Variants in CDIN1 observed in about 807,000 individuals in gnomAD.
CDIN1 encodes CDAN1-interacting nuclease 1.
A neutral mutation model predicts 45.3 loss-of-function variants in CDIN1; 33 were observed. The observed-to-expected ratio is 0.73, with a 90% confidence interval of 0.55 to 0.97. The LOEUF is 0.97. Among genes scored for constraint, CDIN1 ranks in the 50% least tolerant of loss-of-function variants. The probability of loss-of-function intolerance (pLI) is 0.00; values close to 1 mark genes in which losing one functional copy is unlikely to be tolerated. For missense variants in CDIN1, 303 were observed against 339.4 expected (o/e 0.89, Z 0.84); for synonymous variants, 118 against 124.4 (o/e 0.95, Z 0.34).
At chr15:36,682,767 CAA>C (rs10706117) in intron 5 of CDIN1, among the ~76,000 whole-genome samples, 11 of 61,378 alleles carry the variant, frequency 1.8e-4, no homozygotes, top group Admixed American at 3.4e-4. Context: ...AAGACCCTGC[CAA>C]AAAAAAAAAA....
chr15:36,656,362 G>C (rs935803776), intron 4 of CDIN1, among the ~76,000 whole-genome samples: 2 of 151,982 alleles, frequency 1.3e-5, no homozygotes, highest in African/African-American at 4.8e-5. Context: ...TATCTTTTTG[G>C]GGGGCTAAGG....
intron 5 of CDIN1, among the ~76,000 whole-genome samples, chr15:36,679,190 G>C (rs940782134): frequency 2.0e-5 from 3 of 152,114 alleles, no homozygotes; most frequent in African/African-American, 7.2e-5. Flanking sequence ...GGGCTGGGGT[G>C]GGGGAGTGGG....
chr15:36,797,627 G>A (rs749674614), intron 10 of CDIN1, among the ~76,000 whole-genome samples: 47 of 152,006 alleles, frequency 3.1e-4, no homozygotes, highest in Non-Finnish European at 6.2e-4. Context: ...CTTGCAATTC[G>A]CTCTTCAGAA....
intron 1 of CDIN1, among the ~76,000 whole-genome samples, chr15:36,589,163 T>C (rs1260678018): frequency 6.6e-6 from 1 of 152,192 alleles, no homozygotes; most frequent in Non-Finnish European, 1.5e-5. Context: ...GAATTTGCCA[T>C]TGTTTTTATT....
At chr15:36,586,987 T>C (rs1217593736) in intron 1 of CDIN1, among the ~76,000 whole-genome samples, 1 of 152,238 alleles carries the variant, frequency 6.6e-6, no homozygotes, top group Non-Finnish European at 1.5e-5. Context: ...GGGAATTATT[T>C]TGCTAGTAGA....
At chr15:36,665,796 A>G (rs997584536) in intron 5 of CDIN1, among the ~76,000 whole-genome samples, 3 of 152,192 alleles carry the variant, frequency 2.0e-5, no homozygotes, top group Non-Finnish European at 2.9e-5. Context: ...CTGATTTCAT[A>G]TACTTTTTTT....
At chr15:36,782,586 G>A (rs955291095) in intron 10 of CDIN1, among the ~76,000 whole-genome samples, 2 of 152,156 alleles carry the variant, frequency 1.3e-5, no homozygotes, top group South Asian at 2.1e-4. Context: ...ACGAGCAAGC[G>A]CACTTGTGTG....
chr15:36,768,943 A>G (rs1388074222), intron 10 of CDIN1, among the ~76,000 whole-genome samples: 2 of 152,144 alleles, frequency 1.3e-5, no homozygotes, highest in Admixed American at 6.5e-5. Flanking sequence ...TAATTATGTT[A>G]TGGGGCTATC....
chr15:36,611,784 G>T (rs1023773503), intron 1 of CDIN1, among the ~76,000 whole-genome samples: 1 of 152,000 alleles, frequency 6.6e-6, no homozygotes, highest in African/African-American at 2.4e-5. Flanking sequence ...ATATCAAGTT[G>T]TTTTTTTGGT....
chr15:36,685,865 A>G (rs1172727248), intron 5 of CDIN1, among the ~76,000 whole-genome samples: 1 of 152,158 alleles, frequency 6.6e-6, no homozygotes, highest in Non-Finnish European at 1.5e-5. Flanking sequence ...ATGAGATACC[A>G]TCTCACACCA....
intron 3 of CDIN1, among the ~76,000 whole-genome samples, chr15:36,647,901 G>A (rs547265244): frequency 1.4e-5 from 2 of 147,834 alleles, no homozygotes; most frequent in South Asian, 2.1e-4. Flanking sequence ...GCACAGTGAC[G>A]CAATCTCGGC....
chr15:36,755,830 A>C (rs1400298387), intron 10 of CDIN1: 1 of 218,078 alleles, frequency 4.6e-6, no homozygotes, highest in Non-Finnish European at 9.3e-6. Context: ...CAGATGTTGA[A>C]TCTTGAGCCT....
At chr15:36,707,443 A>T (rs552863380) in intron 8 of CDIN1, 1 of 152,240 alleles carries the variant, frequency 6.6e-6, no homozygotes, top group African/African-American at 2.4e-5. Context: ...GAGGTTTGGG[A>T]TTGTTAATTC....
chr15:36,740,568 G>A (rs949572210), intron 10 of CDIN1, among the ~76,000 whole-genome samples: 5 of 152,192 alleles, frequency 3.3e-5, no homozygotes, highest in South Asian at 4.1e-4. Context: ...GTCAAATCTC[G>A]TAATTCTTCA....
intron 4 of CDIN1, among the ~76,000 whole-genome samples, chr15:36,656,754 T>C (rs2040800130): frequency 6.6e-6 from 1 of 152,166 alleles, no homozygotes; most frequent in South Asian, 2.1e-4. Context: ...AAAGCATTTC[T>C]TTCTACTTGG....
chr15:36,654,613 T>G (rs1281394402), intron 4 of CDIN1, among the ~76,000 whole-genome samples: 1 of 152,096 alleles, frequency 6.6e-6, no homozygotes, highest in Non-Finnish European at 1.5e-5. Flanking sequence ...ACTTTTATTA[T>G]AATAAAGGAT....
chr15:36,774,162 GT>G (rs1484635291), intron 10 of CDIN1, among the ~76,000 whole-genome samples: 3 of 99,672 alleles, frequency 3.0e-5, no homozygotes, highest in Admixed American at 2.5e-4. Flanking sequence ...GTGTGTGTGT[GT>G]GCGCGCGCGC....
chr15:36,706,767 G>A (rs2042882451), intron 8 of CDIN1: 1 of 152,094 alleles, frequency 6.6e-6, no homozygotes, highest in Non-Finnish European at 1.5e-5. Flanking sequence ...AACAGTGAGA[G>A]TTCTCCAATA....
rs549117787 is a variant in CDIN1, at chr15:36,659,685, A to G, written c.346+1780A>G. On this transcript the variant is annotated intron_variant, in intron 5 of 10. Transcript: ENST00000566621. ...ATATTTGATGTTATTTTTAATCATC[A>G]TACTAGGCTATTGTGAAGGCACCAT... 3.3e-4 allele frequency among the ~76,000 whole-genome samples: 50 copies of G among 149,922 alleles called. 1 individual carries two copies. The South Asian group carries it at 3.6e-3, about 11-fold the overall frequency.
Sources: gnomAD v4.1 joint callset for allele counts (sites outside exome capture counted in the v4.1 genomes callset) on GRCh38, gnomAD v4.1.1 for gene constraint, MANE v1.5 for transcripts, NCBI Gene and HGNC (gene_info 2026-07-23, HGNC 2026-07-21) for gene names.